Variants in DNAAF9 observed in about 807,000 individuals in gnomAD.
The protein encoded by DNAAF9 is shulin.
A neutral mutation model predicts 167.0 loss-of-function variants in DNAAF9; 90 were observed. That is an observed-to-expected ratio of 0.54 (90% CI 0.45 to 0.64). DNAAF9 has a LOEUF of 0.64. Ranked by LOEUF, DNAAF9 falls within the 30% of genes least tolerant of loss-of-function variation. DNAAF9 has a pLI of 0.00. For synonymous variants in DNAAF9, 491 were observed against 508.8 expected (o/e 0.96, Z 0.47); for missense variants, 1,315 against 1,442.2 (o/e 0.91, Z 1.43).
intron 33 of DNAAF9, among the ~76,000 whole-genome samples, chr20:3,258,895 G>T (rs1039905577): frequency 6.6e-6 from 1 of 152,142 alleles, no homozygotes. Flanking sequence ...TGTCTTTTCT[G>T]CCTCTGGATT....
chr20:3,251,605 GCAA>G lies in DNAAF9; in HGVS notation c.*964_*966del, dbSNP rs2068195877. The G allele has an allele frequency of 6.6e-6, 1 of 152,274 alleles. No individual in the cohort carries two copies. The highest frequency in any genetic ancestry group is 2.4e-5 in the African/African-American group (1 of 41,466). The allele number at this position is 152,274 out of a possible 1,614,324, so 9.4% of individuals were successfully genotyped here. A position where few individuals can be genotyped will look rare whatever the true frequency, so the allele number is the denominator to read the frequency against. ...CAGGAGCCACACAAGCCCAGGGCCA[GCAA>G]CAACACTTTGGGGAGCGGGGGGATG... is the stretch of plus-strand genomic sequence containing the variant. On this transcript the variant is annotated 3_prime_UTR_variant, in exon 37 of 37. Coordinates refer to ENST00000252032, the MANE Select transcript of DNAAF9 (RefSeq NM_001009984.3).
chr20:3,380,497 T>C (rs1248745786), intron 3 of DNAAF9, among the ~76,000 whole-genome samples: 1 of 152,232 alleles, frequency 6.6e-6, no homozygotes, highest in Non-Finnish European at 1.5e-5. Context: ...TGTAGATGTT[T>C]AGCATCATCT....
intron 6 of DNAAF9, among the ~76,000 whole-genome samples, chr20:3,368,618 T>C (rs2083463284): frequency 6.6e-6 from 1 of 150,900 alleles, no homozygotes; most frequent in Non-Finnish European, 1.5e-5. Context: ...GTTCACGCCA[T>C]TCTCCTGCCT....
Position 3,292,163 on chromosome 20 carries a change from C to T in DNAAF9, c.2239-1946G>A, listed in dbSNP as rs369553004. Among the ~76,000 whole-genome samples the T allele has an allele frequency of 7.2e-5, 11 of 152,164 alleles. No individual in the cohort carries two copies. The Middle Eastern group carries it at 0.01, about 141-fold the overall frequency. On this transcript the variant is annotated intron_variant, in intron 25 of 36. Coordinates refer to ENST00000252032, the MANE Select transcript of DNAAF9 (RefSeq NM_001009984.3). ...ACAGGCACCTGCCACCAATGCCTGGCTAATTTTTGTATTTTTAGTAGAGGC... is the reference window on the plus strand; with the variant it reads ...ACAGGCACCTGCCACCAATGCCTGGTTAATTTTTGTATTTTTAGTAGAGGC...
At chr20:3,392,897 T>C (rs1296278977) in intron 1 of DNAAF9, among the ~76,000 whole-genome samples, 1 of 152,214 alleles carries the variant, frequency 6.6e-6, no homozygotes, top group Non-Finnish European at 1.5e-5. Flanking sequence ...CATATACCAA[T>C]CTGATTCATC....
At chr20:3,268,195 A>T (rs1320172595) in intron 30 of DNAAF9, among the ~76,000 whole-genome samples, 2 of 151,308 alleles carry the variant, frequency 1.3e-5, no homozygotes, top group Non-Finnish European at 2.9e-5. Flanking sequence ...CGCCTGGCCA[A>T]TTTTTTGTAT....
chr20:3,318,123 T>TGG (rs2069540020), intron 17 of DNAAF9, among the ~76,000 whole-genome samples, 166 bp downstream of exon 17: 1 of 139,474 alleles, frequency 7.2e-6, no homozygotes, highest in Non-Finnish European at 1.5e-5. Context: ...TTTTTTTTGA[T>TGG]ACGGGGTCTC....
intron 16 of DNAAF9, among the ~76,000 whole-genome samples, chr20:3,321,110 C>T (rs1600778913): frequency 6.6e-6 from 1 of 152,296 alleles, no homozygotes; most frequent in East Asian, 1.9e-4. Flanking sequence ...CAAACCATGC[C>T]CCCAGCACAC....
In DNAAF9 at chr20:3,328,188, T is replaced by TTTTTTTTTTTGTTTGTTTTG. The variant is rs1555792497; in HGVS notation, c.1101-1905_1101-1904insCAAAACAAACAAAAAAAAAA. ...TAAAAAGCCTGCATGGCTCTGTTTTTTTTTTTTTTTTGAGATGGAGTCTTG... is the reference window on the plus strand; with the variant it reads ...TAAAAAGCCTGCATGGCTCTGTTTTTTTTTTTTTTTGTTTGTTTTGTTTTTTTTTTTGAGATGGAGTCTTG... On this transcript the variant is annotated intron_variant, in intron 12 of 36. Coordinates refer to ENST00000252032, the MANE Select transcript of DNAAF9 (RefSeq NM_001009984.3). 8.2e-3 allele frequency among the ~76,000 whole-genome samples: 1,134 copies of TTTTTTTTTTTGTTTGTTTTG among 138,792 alleles called. 16 individuals carry two copies. The highest frequency in any genetic ancestry group is 0.031 in the African/African-American group (1,061 of 34,704). The allele number at this position is 138,792 out of a possible 152,430, so 91.1% of individuals were successfully genotyped here. A position where few individuals can be genotyped will look rare whatever the true frequency, so the allele number is the denominator to read the frequency against.
chr20:3,290,479 A>G (rs1305869150), intron 25 of DNAAF9, among the ~76,000 whole-genome samples: 1 of 152,342 alleles, frequency 6.6e-6, no homozygotes, highest in Non-Finnish European at 1.5e-5. Context: ...TACTAGTTTA[A>G]TTTTTACTAG....
chr20:3,278,667 C>A (rs372389419), intron 29 of DNAAF9, among the ~76,000 whole-genome samples: 1 of 151,944 alleles, frequency 6.6e-6, no homozygotes, highest in African/African-American at 2.4e-5. Context: ...TGCAGTGAGC[C>A]GAGACCACGC....
In DNAAF9 at chr20:3,399,532, CACA is replaced by C. The variant is rs527565018; in HGVS notation, c.83+7940_83+7942del. On this transcript the variant is annotated intron_variant, in intron 1 of 36. Coordinates refer to ENST00000252032, the MANE Select transcript of DNAAF9 (RefSeq NM_001009984.3). ...CTCCTTTTCTTTCTTAGTAGAGTAC[CACA>C]ACTTTATTTGTGGCAGCAATAGGTC... Among the ~76,000 whole-genome samples the C allele has an allele frequency of 1.2e-3, 190 of 152,172 alleles. 1 individual carries two copies. The highest frequency in any genetic ancestry group is 3.4e-3 in the Middle Eastern group (1 of 294).
intron 25 of DNAAF9, 120 bp from the exon 26 acceptor site, chr20:3,290,337 A>G: frequency 1.4e-6 from 1 of 703,986 alleles, no homozygotes; most frequent in Non-Finnish European, 2.6e-6. Flanking sequence ...ATGACCTCTC[A>G]CTAACTCTGT....
At chr20:3,382,555 G>A (rs1160305949) in intron 1 of DNAAF9, 49 bp from the exon 2 acceptor site, 2 of 1,406,590 alleles carry the variant, frequency 1.4e-6, no homozygotes, top group African/African-American at 2.8e-5. Context: ...ACAGCCCCAT[G>A]AGAAGAGCAG....
intron 18 of DNAAF9, chr20:3,316,044 G>T: frequency 3.8e-6 from 2 of 524,594 alleles, no homozygotes. Context: ...GGATGTGTTA[G>T]TCTCCACCTG....
chr20:3,319,342 A>G (rs980022755), intron 16 of DNAAF9, among the ~76,000 whole-genome samples: 1 of 151,410 alleles, frequency 6.6e-6, no homozygotes, highest in African/African-American at 2.4e-5. Flanking sequence ...CTGAGGCTTC[A>G]GTAGCCTGGA....
chr20:3,322,365 C>A, intron 15 of DNAAF9, 103 bp from the exon 16 acceptor site: 2 of 932,568 alleles, frequency 2.1e-6, no homozygotes, highest in South Asian at 1.4e-5. Flanking sequence ...GTCATAGATT[C>A]GGATTGCTCT....
intron 35 of DNAAF9, among the ~76,000 whole-genome samples, chr20:3,254,956 G>A (rs2068253411): frequency 6.6e-6 from 1 of 152,170 alleles, no homozygotes; most frequent in African/African-American, 2.4e-5. Flanking sequence ...GCCAAGGCAG[G>A]GCTTCTGGTC....
intron 7 of DNAAF9, among the ~76,000 whole-genome samples, 179 bp downstream of exon 7, chr20:3,359,337 T>C (rs1482227580): frequency 2.0e-5 from 3 of 152,210 alleles, no homozygotes; most frequent in Non-Finnish European, 2.9e-5. Flanking sequence ...GCAGTGTCAC[T>C]TTGCCAGGTT....
Sources: gnomAD v4.1 joint callset for allele counts (sites outside exome capture counted in the v4.1 genomes callset) on GRCh38, gnomAD v4.1.1 for gene constraint, MANE v1.5 for transcripts, NCBI Gene and HGNC (gene_info 2026-07-23, HGNC 2026-07-21) for gene names.